The following HERC2 variants were observed in gnomAD, a reference collection of about 807,000 sequenced individuals.
HERC2 encodes E3 ubiquitin-protein ligase HERC2.
HERC2 carries 102 observed loss-of-function variants against 537.7 expected under a neutral mutation model. The ratio of observed to expected loss-of-function variants is 0.19; its 90% confidence interval spans 0.16 to 0.22. The LOEUF is 0.22. HERC2 is among the 10% of genes least tolerant of loss of function. The probability of loss-of-function intolerance (pLI) is 1.00; values close to 1 mark genes in which losing one functional copy is unlikely to be tolerated. For synonymous variants in HERC2, 2,224 were observed against 2,466.2 expected (o/e 0.90, Z 2.91); for missense variants, 4,236 against 6,198.2 (o/e 0.68, Z 10.63).
At chr15:28,136,907 G>A (rs568769698) in intron 78 of HERC2, among the ~76,000 whole-genome samples, 12 of 152,200 alleles carry the variant, frequency 7.9e-5, no homozygotes, top group African/African-American at 2.2e-4. Context: ...AGAAAGATAT[G>A]CTAAAGGAGA....
chr15:28,255,985 C>T lies in HERC2; in HGVS notation c.2758G>A (p.Glu920Lys). The change falls in exon 19 of 93, where the codon GAA becomes AAA. Residue 920 changes from glutamate to lysine, a missense_variant. This residue lies in a region of HERC2 where 754 missense variants were observed against 1,085.0 expected (regional missense o/e 0.69). Transcript: ENST00000261609. Reference protein sequence around the residue: ...ALLPCAVSGNEVNISPGRRFM... With the variant: ...ALLPCAVSGNKVNISPGRRFM... ...CGACGACCTGGACTTATGTTCACTT[C>T]ATTGCCTGAAACTGAAATAGAAAGT... 4 of 1,606,250 alleles carry T rather than the reference C, an allele frequency of 2.5e-6. No homozygotes were observed. The highest frequency in any genetic ancestry group is 3.4e-6 in the Non-Finnish European group (4 of 1,179,826).
rs983059798 is a variant in HERC2, at chr15:28,228,246, G to T, written c.5436C>A (p.Ala1812=). 1 of 1,613,722 alleles carries T rather than the reference G, an allele frequency of 6.2e-7. No homozygotes were observed. The highest frequency in any genetic ancestry group is 1.3e-5 in the African/African-American group (1 of 75,048). ...LDLLLNSGML[A]LTQTALRLIG... ...TCAGGCGCAGTGCCGTCTGCGTGAGGGCCAGCATGCCGGAATTGAGCAGAA... is the reference window on the plus strand; with the variant it reads ...TCAGGCGCAGTGCCGTCTGCGTGAGTGCCAGCATGCCGGAATTGAGCAGAA... The change falls in exon 35 of 93, where the codon GCC becomes GCA. Residue 1812 remains alanine (A), a synonymous_variant. Coordinates refer to ENST00000261609, the MANE Select transcript of HERC2 (RefSeq NM_004667.6).
intron 11 of HERC2, among the ~76,000 whole-genome samples, chr15:28,269,032 G>T (rs1169893686): frequency 6.6e-6 from 1 of 152,210 alleles, no homozygotes; most frequent in Non-Finnish European, 1.5e-5. Context: ...GGAATCTCAC[G>T]ATTAGCAATG....
chr15:28,132,046 G>T, intron 81 of HERC2, 54 bp downstream of exon 81: 2 of 1,125,278 alleles, frequency 1.8e-6, no homozygotes, highest in Non-Finnish European at 2.3e-6. Context: ...GGGCCCTGGG[G>T]GCCCGACTGC....
In HERC2 at chr15:28,301,797, CTAACTTT is replaced by C. The variant is rs1347726626; in HGVS notation, c.73-2288_73-2282del. ...TATATATATGGGTTATATATTCTAT[CTAACTTT>C]TTTTTTTTTTTTTTTGAGACGGATC... On this transcript the variant is annotated intron_variant, in intron 2 of 92. Transcript: ENST00000261609. 2.4e-3 allele frequency among the ~76,000 whole-genome samples: 139 copies of C among 56,950 alleles called. 2 individuals carry two copies. Among genetic ancestry groups the C allele is most frequent in the African/African-American group, 8.3e-3 (139 of 16,740 alleles). 37.4% of individuals were successfully genotyped at this position (56,950 alleles called of 152,430 possible). A position where few individuals can be genotyped will look rare whatever the true frequency, so the allele number is the denominator to read the frequency against.
At chr15:28,133,139 TAAA>T (rs58617687) in intron 79 of HERC2, among the ~76,000 whole-genome samples, 2 of 139,164 alleles carry the variant, frequency 1.4e-5, no homozygotes, top group African/African-American at 2.6e-5. Context: ...TTAACGGGTT[TAAA>T]AAAAAAAAAA....
intron 69 of HERC2, among the ~76,000 whole-genome samples, chr15:28,153,082 G>A (rs1291365541): frequency 2.6e-5 from 4 of 152,342 alleles, no homozygotes; most frequent in African/African-American, 4.8e-5. Flanking sequence ...GGCCAGGCAC[G>A]GTGGCTCACG....
intron 25 of HERC2, 149 bp downstream of exon 25, chr15:28,237,965 G>A (rs1902638874): frequency 2.7e-6 from 2 of 736,254 alleles, no homozygotes; most frequent in Admixed American, 2.0e-5. Context: ...ATTCATTTAT[G>A]ACAAAACTTC....
Position 28,245,594 on chromosome 15 carries a change from C to CACAT in HERC2, c.3577+286_3577+287insATGT, listed in dbSNP as rs1555438386. On this transcript the variant is annotated intron_variant, in intron 23 of 92. Coordinates refer to ENST00000261609, the MANE Select transcript of HERC2 (RefSeq NM_004667.6). ...ACACACACACACACACACACACACA[C>CACAT]ACACACACACAGATATATATATACA... Among the ~76,000 whole-genome samples the CACAT allele has an allele frequency of 3.8e-4, 51 of 135,008 alleles. 1 individual carries two copies. The highest frequency in any genetic ancestry group is 1.3e-3 in the African/African-American group (48 of 37,266). The allele number at this position is 135,008 out of a possible 152,430, so 88.6% of individuals were successfully genotyped here.
intron 5 of HERC2, among the ~76,000 whole-genome samples, chr15:28,278,688 G>C (rs2141038934): frequency 6.6e-6 from 1 of 152,296 alleles, no homozygotes; most frequent in Admixed American, 6.5e-5. Context: ...TACCGCTCCT[G>C]TCTCTGGGGA....
chr15:28,119,843 TAAGA>T (rs1173162529), intron 86 of HERC2, among the ~76,000 whole-genome samples: 1 of 152,114 alleles, frequency 6.6e-6, no homozygotes, highest in Non-Finnish European at 1.5e-5. Context: ...GCAAGATGAG[TAAGA>T]AAGAGGTGCT....
chr15:28,240,402 A>G (rs190110869), intron 23 of HERC2, among the ~76,000 whole-genome samples: 1 of 152,376 alleles, frequency 6.6e-6, no homozygotes, highest in Admixed American at 6.5e-5. Flanking sequence ...TGGGCGAAAG[A>G]GCGAGACTCC....
intron 79 of HERC2, 63 bp downstream of exon 79, chr15:28,135,415 C>T (rs1890536878): frequency 7.9e-7 from 1 of 1,271,192 alleles, no homozygotes; most frequent in South Asian, 1.3e-5. Flanking sequence ...TAGATTGTAG[C>T]AGCATTAAAA....
intron 74 of HERC2, among the ~76,000 whole-genome samples, chr15:28,143,529 C>T (rs1289335038): frequency 6.6e-6 from 1 of 152,082 alleles, no homozygotes; most frequent in Non-Finnish European, 1.5e-5. Context: ...TCACTCCAAC[C>T]TCCACGTCCC....
intron 2 of HERC2, chr15:28,320,266 C>T (rs2077195725): frequency 6.6e-6 from 1 of 152,250 alleles, no homozygotes; most frequent in Admixed American, 6.5e-5. Context: ...AGGCATACAC[C>T]ACCACGCCTG....
chr15:28,230,120 GA>G (rs1201053447), intron 31 of HERC2, among the ~76,000 whole-genome samples: 4 of 152,160 alleles, frequency 2.6e-5, no homozygotes, highest in Non-Finnish European at 5.9e-5. Context: ...CTGGAACAAA[GA>G]ATATATTTAA....
intron 65 of HERC2, among the ~76,000 whole-genome samples, chr15:28,170,689 T>A (rs1179652443): frequency 2.0e-5 from 3 of 152,058 alleles, no homozygotes; most frequent in African/African-American, 7.2e-5. Flanking sequence ...AACACTTTCG[T>A]TCTATGAAAG....
intron 5 of HERC2, among the ~76,000 whole-genome samples, chr15:28,275,262 G>A (rs2075841083): frequency 6.6e-6 from 1 of 152,258 alleles, no homozygotes; most frequent in South Asian, 2.1e-4. Flanking sequence ...CTCAAGAAAT[G>A]ACCTCCCAAA....
intron 2 of HERC2, among the ~76,000 whole-genome samples, chr15:28,303,747 C>T (rs774013332): frequency 2.5e-4 from 38 of 152,128 alleles, no homozygotes; most frequent in Non-Finnish European, 3.1e-4. Flanking sequence ...TTACAGTTTT[C>T]GTGGTAGAGA....
Sources: allele counts gnomAD v4.1 joint callset (sites outside exome capture counted in the v4.1 genomes callset), GRCh38; gene constraint gnomAD v4.1.1; regional missense constraint gnomAD v4.1.1; transcripts MANE v1.5; gene names NCBI Gene and HGNC (gene_info 2026-07-23, HGNC 2026-07-21).